Variants in TSKS observed in about 807,000 individuals in gnomAD.
TSKS encodes the protein testis specific serine kinase substrate, also known as testis-specific serine kinase substrate.
A neutral mutation model predicts 68.0 loss-of-function variants in TSKS; 27 were observed. The ratio of observed to expected loss-of-function variants is 0.40; its 90% confidence interval spans 0.29 to 0.55. The LOEUF (loss-of-function observed/expected upper bound fraction) is 0.55, where lower values mean the gene tolerates loss of function less well. Among genes scored for constraint, TSKS ranks in the 20% least tolerant of loss-of-function variants. The pLI is 0.53. For missense variants in TSKS, 806 were observed against 776.0 expected (o/e 1.04, Z -0.46); for synonymous variants, 331 against 340.4 (o/e 0.97, Z 0.30).
chr19:49,757,008 C>T lies in TSKS; in HGVS notation c.399+4996G>A, dbSNP rs377285767. Among the ~76,000 whole-genome samples the T allele has an allele frequency of 2.8e-4, 42 of 152,204 alleles. No individual in the cohort carries two copies. The South Asian group carries it at 7.7e-3, about 28-fold the overall frequency. On this transcript the variant is annotated intron_variant, in intron 2 of 10. Coordinates refer to ENST00000246801, the MANE Select transcript of TSKS (RefSeq NM_021733.2). ...CTGAGAGGCACAGGCTGCAGTAAGC[C>T]GAGATTGCGCCACTGCACTCCAGCC...
chr19:49,759,937 G>C (rs2084427062), intron 2 of TSKS, among the ~76,000 whole-genome samples: 1 of 151,232 alleles, frequency 6.6e-6, no homozygotes, highest in Admixed American at 6.6e-5. Context: ...GCGGTCATCT[G>C]AGGTCAGGAG....
Position 49,748,147 on chromosome 19 carries a change from C to T in TSKS, c.517G>A (p.Glu173Lys), listed in dbSNP as rs756976811. 5 of 1,614,058 alleles carry T rather than the reference C, an allele frequency of 3.1e-6. No homozygotes were observed. Among genetic ancestry groups the T allele is most frequent in the East Asian group, 2.2e-5 (1 of 44,890 alleles). The change falls in exon 4 of 11, where the codon GAG (glutamate) becomes AAG (lysine). Residue 173 changes from glutamate (E) to lysine (K), a missense_variant. By Grantham distance (56) the Glu-to-Lys change is moderately conservative. Coordinates refer to ENST00000246801, the MANE Select transcript of TSKS (RefSeq NM_021733.2). ...TCTTGCCGCCTTCTCTCCAGATTCT[C>T]GCTCAGCACAGAACACTCGCTCTGG... Reference protein sequence around the residue: ...SLQSECSVLSENLERRRQEAE... With the variant: ...SLQSECSVLSKNLERRRQEAE...
chr19:49,745,121 C>T, intron 7 of TSKS, 81 bp downstream of exon 7: 1 of 1,390,162 alleles, frequency 7.2e-7, no homozygotes, highest in Non-Finnish European at 9.7e-7. Context: ...ATTGGCCTAC[C>T]CATTTCCCTC....
chr19:49,761,895 A>G (rs2084443622), intron 2 of TSKS, 109 bp downstream of exon 2: 8 of 859,870 alleles, frequency 9.3e-6, no homozygotes, highest in South Asian at 3.4e-5. Flanking sequence ...TCGAATGACC[A>G]GAACATTCTA....
At chr19:49,740,227 C>T in intron 9 of TSKS, 44 bp from the exon 10 acceptor site, 3 of 1,581,528 alleles carry the variant, frequency 1.9e-6, no homozygotes, top group Non-Finnish European at 2.6e-6. Context: ...CTGGACTGGG[C>T]TGGGGGTGGA....
rs1442139171 is a variant in TSKS at position 49,748,363 on chromosome 19, G to T, written c.495+11C>A. 1.2e-6 allele frequency: 2 copies of T among 1,612,618 alleles called. No homozygotes were observed. Among genetic ancestry groups the T allele is most frequent in the South Asian group, 1.1e-5 (1 of 90,986 alleles). On this transcript the variant is annotated intron_variant, in intron 3 of 10. Transcript: ENST00000246801. ...GGAAGGGCAGGTGTTGGATATAGGG[G>T]GTCCTCACACCTGCAGAGACTGCAC... is the stretch of plus-strand genomic sequence containing the variant.
intron 2 of TSKS, among the ~76,000 whole-genome samples, chr19:49,756,179 A>G (rs1057088962): frequency 1.3e-5 from 2 of 152,194 alleles, no homozygotes; most frequent in Non-Finnish European, 2.9e-5. Context: ...ACTAAAATCA[A>G]CCAATGACTG....
At chr19:49,748,660 C>A (rs751698622) in intron 2 of TSKS, among the ~76,000 whole-genome samples, 191 bp from the exon 3 acceptor site, 1 of 152,120 alleles carries the variant, frequency 6.6e-6, no homozygotes, top group African/African-American at 2.4e-5. Flanking sequence ...CATAAACGAC[C>A]TTTCTTCATG....
chr19:49,747,210 C>A (rs747141518), intron 5 of TSKS, 179 bp downstream of exon 5: 39 of 1,537,848 alleles, frequency 2.5e-5, no homozygotes, highest in Non-Finnish European at 3.4e-5. Flanking sequence ...AGTCCCCCAT[C>A]TGGGTGTTGG....
intron 2 of TSKS, among the ~76,000 whole-genome samples, chr19:49,753,816 TAAC>T (rs1042698682): frequency 7.3e-5 from 11 of 150,884 alleles, no homozygotes; most frequent in African/African-American, 1.9e-4. Context: ...CAAGCAATAA[TAAC>T]AACAAATCCT....
At chr19:49,759,468 C>T (rs1260039315) in intron 2 of TSKS, among the ~76,000 whole-genome samples, 1 of 105,468 alleles carries the variant, frequency 9.5e-6, no homozygotes, top group African/African-American at 3.5e-5. Flanking sequence ...ACTCCATTTC[C>T]AAAAAAAAAA....
chr19:49,752,947 TGCCTCATCAGGCACACAGA>T (rs1238900465), intron 2 of TSKS, among the ~76,000 whole-genome samples: 45 of 152,232 alleles, frequency 3.0e-4, no homozygotes, highest in African/African-American at 9.6e-4. Flanking sequence ...GTTAAAGGTG[TGCCTCATCAGGCACACAGA>T]GTGCCATTTG....
intron 2 of TSKS, among the ~76,000 whole-genome samples, chr19:49,756,073 C>T (rs761452893): frequency 6.6e-5 from 10 of 152,000 alleles, no homozygotes; most frequent in Non-Finnish European, 1.5e-4. Context: ...AAATCATCAA[C>T]GAAATACTAG....
intron 2 of TSKS, 31 bp downstream of exon 2, chr19:49,761,967 TCGGTCC>T (rs776670573): frequency 6.5e-7 from 1 of 1,545,182 alleles, no homozygotes; most frequent in Non-Finnish European, 8.9e-7. Flanking sequence ...GTGGAGGACC[TCGGTCC>T]TCCCCAGCGG....
chr19:49,749,843 C>T (rs2084334257), intron 2 of TSKS, among the ~76,000 whole-genome samples: 1 of 152,088 alleles, frequency 6.6e-6, no homozygotes, highest in African/African-American at 2.4e-5. Flanking sequence ...AACTCCTGGG[C>T]TCAAGTGATC....
intron 2 of TSKS, among the ~76,000 whole-genome samples, chr19:49,759,468 CAAAA>C (rs557013917): frequency 9.5e-6 from 1 of 105,458 alleles, no homozygotes; most frequent in Non-Finnish European, 2.0e-5. Context: ...ACTCCATTTC[CAAAA>C]AAAAAAAAAA....
In TSKS at chr19:49,746,654, A is replaced by G; in HGVS notation, c.808T>C (p.Trp270Arg). 1 of 1,607,176 alleles carries G rather than the reference A, an allele frequency of 6.2e-7. No individual in the cohort carries two copies. Among genetic ancestry groups the G allele is most frequent in the East Asian group, 2.2e-5 (1 of 44,860 alleles). ...GTGGCGGCGGGGCCCAGGCTGTTCCAGGAGAGGCCAGCCTCCGGCTTCTGC... is the reference window on the plus strand; with the variant it reads ...GTGGCGGCGGGGCCCAGGCTGTTCCGGGAGAGGCCAGCCTCCGGCTTCTGC... ...EKQKPEAGLS[W>R]NSLGPAATSQ... Residue 270 changes from tryptophan to arginine, a missense_variant, in exon 6 of 11, where the codon TGG (tryptophan) becomes CGG (arginine). Coordinates refer to ENST00000246801, the MANE Select transcript of TSKS (RefSeq NM_021733.2).
chr19:49,747,539 G>C, intron 4 of TSKS, 67 bp from the exon 5 acceptor site: 11 of 1,540,988 alleles, frequency 7.1e-6, no homozygotes, highest in Non-Finnish European at 9.9e-6. Flanking sequence ...CCCTTAGCCT[G>C]TCTGTTTCCA....
In TSKS at chr19:49,740,214, T is replaced by C. The variant is rs764448743; in HGVS notation, c.1498-31A>G. Reference sequence around the variant, plus strand: ...GAGAGGAGCGTAGGCGTAGCTGGGCTTGCTGGACTGGGCTGGGGGTGGAGG... The same window carrying C: ...GAGAGGAGCGTAGGCGTAGCTGGGCCTGCTGGACTGGGCTGGGGGTGGAGG... On this transcript the variant is annotated intron_variant, in intron 9 of 10. Coordinates refer to ENST00000246801, the MANE Select transcript of TSKS (RefSeq NM_021733.2). The C allele has an allele frequency of 4.4e-6, 7 of 1,596,580 alleles. No individual in the cohort carries two copies. In the Admixed American group the frequency reaches 1.2e-4, roughly 27 times the overall value.
Sources: gnomAD v4.1 joint callset for allele counts (sites outside exome capture counted in the v4.1 genomes callset) on GRCh38, gnomAD v4.1.1 for gene constraint, MANE v1.5 for transcripts, NCBI Gene and HGNC (gene_info 2026-07-23, HGNC 2026-07-21) for gene names.